The following PTPRN2 variants were observed in gnomAD, a reference collection of about 807,000 sequenced individuals.
PTPRN2 encodes the protein protein tyrosine phosphatase receptor type N2, also known as receptor-type tyrosine-protein phosphatase N2.
A neutral mutation model predicts 118.8 loss-of-function variants in PTPRN2; 74 were observed. That is an observed-to-expected ratio of 0.62 (90% CI 0.52 to 0.76). PTPRN2 has a LOEUF of 0.76. Ranked by LOEUF, PTPRN2 falls within the 30% of genes least tolerant of loss-of-function variation. PTPRN2 has a pLI of 0.00. For synonymous variants in PTPRN2, 641 were observed against 608.0 expected (o/e 1.05, Z -0.80); for missense variants, 1,481 against 1,394.4 (o/e 1.06, Z -0.99).
intron 12 of PTPRN2, among the ~76,000 whole-genome samples, chr7:157,734,178 C>T (rs1800153684): frequency 1.3e-5 from 2 of 148,992 alleles, no homozygotes. Context: ...ACCCCATGCA[C>T]CCAGCACAGT....
rs1445314364 is a variant in PTPRN2, at chr7:158,555,785, G to A, written c.112+31773C>T. ...CCACTGCCTAGCAGGCCATCTACAT[G>A]GGGCAGACCACAGAGACAGGCTCCA... On this transcript the variant is annotated intron_variant, in intron 1 of 22. Transcript: ENST00000389418. This position sits in a 1 kb window ranked among gnomAD's most constrained non-coding sequence, Gnocchi z 4.7. Among the ~76,000 whole-genome samples, 2 of 152,068 alleles carry A rather than the reference G, an allele frequency of 1.3e-5. No homozygotes were observed. The highest frequency in any genetic ancestry group is 2.9e-5 in the Non-Finnish European group (2 of 67,994).
In PTPRN2 at chr7:157,697,873, C is replaced by T. The variant is rs1033322758; in HGVS notation, c.1789-14936G>A. Among the ~76,000 whole-genome samples, 9 of 150,400 alleles carry T rather than the reference C, an allele frequency of 6.0e-5. 1 individual carries two copies. The highest frequency in any genetic ancestry group is 7.4e-5 in the Non-Finnish European group (5 of 67,768). On this transcript the variant is annotated intron_variant, in intron 12 of 22. Transcript: ENST00000389418. ...CTTGGCAGAGCCCTCACCATCTACT[C>T]ATGCATACTGGGTCTTGGCAGAGCC... is the stretch of plus-strand genomic sequence containing the variant.
At chr7:157,691,609 C>A (rs1203779837) in intron 12 of PTPRN2, among the ~76,000 whole-genome samples, 1 of 152,188 alleles carries the variant, frequency 6.6e-6, no homozygotes, top group Admixed American at 6.5e-5. Context: ...ATGTCGGCCG[C>A]CAGCCCAAAA....
chr7:157,897,339 C>T (rs779653424), intron 12 of PTPRN2, among the ~76,000 whole-genome samples: 6 of 152,202 alleles, frequency 3.9e-5, no homozygotes, highest in East Asian at 1.9e-4. Context: ...TTGGCCCCTC[C>T]GCATCGGTCA....
At position 157,977,857 on chromosome 7, in the gene PTPRN2, G is replaced by A. The variant is rs1324122369; in HGVS notation, c.1724-79120C>T. Among the ~76,000 whole-genome samples the A allele has an allele frequency of 6.6e-6, 1 of 151,808 alleles. No homozygotes were observed. Among genetic ancestry groups the A allele is most frequent in the Non-Finnish European group, 1.5e-5 (1 of 67,910 alleles). The stretch of plus-strand genomic sequence containing the variant: ...GGGGATCACCCTGACAAGACTGGTG[G>A]CAGCTGGGACAAGAGTCGTGGCTGA... On this transcript the variant is annotated intron_variant, in intron 11 of 22. Transcript: ENST00000389418. The surrounding 1 kb of genome is among the most constrained non-coding windows in gnomAD (Gnocchi z 4.6).
At position 158,070,275 on chromosome 7, in the gene PTPRN2, A is replaced by G. The variant is rs966832877; in HGVS notation, c.1723+11023T>C. ...GGTGCTCATGGTGATGGAGGTGCTC[A>G]TGGTGGAGGTGCTCGTGGTGGTGGA... On this transcript the variant is annotated intron_variant, in intron 11 of 22. Coordinates refer to ENST00000389418, the MANE Select transcript of PTPRN2 (RefSeq NM_002847.5). Among the ~76,000 whole-genome samples the G allele has an allele frequency of 3.9e-4, 54 of 139,902 alleles. 1 individual carries two copies. The highest frequency in any genetic ancestry group is 1.2e-3 in the African/African-American group (37 of 32,086). 91.8% of individuals were successfully genotyped at this position (139,902 alleles called of 152,430 possible).
At chr7:157,589,259 T>A (rs574892329) in intron 17 of PTPRN2, among the ~76,000 whole-genome samples, 47 of 152,250 alleles carry the variant, frequency 3.1e-4, no homozygotes, top group Admixed American at 1.0e-3. Context: ...CCAAATGAGA[T>A]CCCATATGGG....
At position 157,733,872 on chromosome 7, in the gene PTPRN2, T is replaced by C. The variant is rs555296140; in HGVS notation, c.1789-50935A>G. 4.1e-3 allele frequency among the ~76,000 whole-genome samples: 140 copies of C among 34,560 alleles called. 7 individuals carry two copies. Among genetic ancestry groups the C allele is most frequent in the African/African-American group, 0.011 (76 of 6,978 alleles). The allele number at this position is 34,560 out of a possible 152,430, so 22.7% of individuals were successfully genotyped here. A position where few individuals can be genotyped will look rare whatever the true frequency, so the allele number is the denominator to read the frequency against. ...CGTCCCATGCGCCCAGCACAGTTAC[T>C]CTTTTCCGTCCCATGCGCCCAGCAC... is the stretch of plus-strand genomic sequence containing the variant. On this transcript the variant is annotated intron_variant, in intron 12 of 22. Coordinates refer to ENST00000389418, the MANE Select transcript of PTPRN2 (RefSeq NM_002847.5).
At chr7:158,416,311 G>T (rs1301580889) in intron 2 of PTPRN2, among the ~76,000 whole-genome samples, 1 of 152,202 alleles carries the variant, frequency 6.6e-6, no homozygotes, top group Non-Finnish European at 1.5e-5. Flanking sequence ...AACCCACAGG[G>T]ATACATGGCC....
chr7:158,313,562 A>G (rs945880921), intron 3 of PTPRN2, among the ~76,000 whole-genome samples: 2 of 151,800 alleles, frequency 1.3e-5, no homozygotes, highest in Non-Finnish European at 2.9e-5. Flanking sequence ...CTCTGTCTCT[A>G]TGCAAGGATA....
At chr7:158,358,836 T>C (rs564111971) in intron 2 of PTPRN2, among the ~76,000 whole-genome samples, 5 of 152,232 alleles carry the variant, frequency 3.3e-5, no homozygotes, top group Admixed American at 6.5e-5. Context: ...CTGTTTGGAA[T>C]AGAAAGTTGG....
chr7:157,698,514 C>A (rs539435512), intron 12 of PTPRN2, among the ~76,000 whole-genome samples: 125 of 152,224 alleles, frequency 8.2e-4, no homozygotes, highest in African/African-American at 3.0e-3. Flanking sequence ...GATTGGCTGA[C>A]AAATATGTCG....
chr7:157,843,490 A>G (rs1449136839), intron 12 of PTPRN2, among the ~76,000 whole-genome samples: 3 of 152,174 alleles, frequency 2.0e-5, no homozygotes, highest in Non-Finnish European at 4.4e-5. Flanking sequence ...TCCTCAGCAA[A>G]GGACTGTGCC....
chr7:158,345,811 A>G (rs1379677134), intron 2 of PTPRN2, among the ~76,000 whole-genome samples: 1 of 152,228 alleles, frequency 6.6e-6, no homozygotes, highest in African/African-American at 2.4e-5. Context: ...GGCCTCAAGA[A>G]ACTAGTCATG....
chr7:158,469,673 A>G (rs1474403123), intron 2 of PTPRN2, among the ~76,000 whole-genome samples: 2 of 151,782 alleles, frequency 1.3e-5, no homozygotes, highest in Non-Finnish European at 2.9e-5. Flanking sequence ...GATGCTCCTC[A>G]ATCATTAAAA....
intron 19 of PTPRN2, 49 bp downstream of exon 19, chr7:157,576,564 T>A: frequency 6.5e-7 from 1 of 1,530,164 alleles, no homozygotes; most frequent in East Asian, 2.4e-5. Flanking sequence ...CGCTCCCCTG[T>A]GCCGCGCGCT....
At chr7:158,011,166 C>T (rs906822800) in intron 11 of PTPRN2, among the ~76,000 whole-genome samples, 1 of 152,234 alleles carries the variant, frequency 6.6e-6, no homozygotes, top group Non-Finnish European at 1.5e-5. Context: ...CAAAACCCCA[C>T]CTGGGTCTGT....
chr7:157,866,134 C>G (rs1347716181), intron 12 of PTPRN2: 3 of 152,192 alleles, frequency 2.0e-5, no homozygotes. Flanking sequence ...TCCTTCTACA[C>G]AAACACCACT....
rs1563246150 is a variant in PTPRN2, at chr7:157,596,079, T to TGA, written c.2419-765_2419-764insTC. Reference sequence around the variant, plus strand: ...GAGCCTCTTGCTAGAGCCACAGGGCTGGCTGGGGTGAGGCTGAGCTCCAAG... The same window carrying TGA: ...GAGCCTCTTGCTAGAGCCACAGGGCTGAGGCTGGGGTGAGGCTGAGCTCCAAG... On this transcript the variant is annotated intron_variant, in intron 16 of 22. Coordinates refer to ENST00000389418, the MANE Select transcript of PTPRN2 (RefSeq NM_002847.5). This position sits in a 1 kb window ranked among gnomAD's most constrained non-coding sequence, Gnocchi z 4.2. 2.6e-5 allele frequency among the ~76,000 whole-genome samples: 4 copies of TGA among 152,222 alleles called. No homozygotes were observed. The highest frequency in any genetic ancestry group is 1.5e-5 in the Non-Finnish European group (1 of 68,028).
Sources: gnomAD v4.1 joint callset for allele counts (sites outside exome capture counted in the v4.1 genomes callset) on GRCh38, gnomAD v4.1.1 for gene constraint, Gnocchi (gnomAD v3.1) non-coding constraint, MANE v1.5 for transcripts, NCBI Gene and HGNC (gene_info 2026-07-23, HGNC 2026-07-21) for gene names.